Variants in NFIC observed in about 807,000 individuals in gnomAD.
The protein encoded by NFIC is nuclear factor I C.
In NFIC, 12 loss-of-function variants were observed where a neutral mutation model predicts 54.4. The ratio of observed to expected loss-of-function variants is 0.22; its 90% confidence interval spans 0.14 to 0.36. The LOEUF is 0.36. NFIC is among the 10% of genes least tolerant of loss of function. The pLI is 1.00. For synonymous variants in NFIC, 322 were observed against 319.2 expected, an observed-to-expected ratio of 1.01 and a Z score of -0.09; for missense variants, 575 against 718.2, an observed-to-expected ratio of 0.80 and a Z score of 2.28.
rs1258455161 is a variant in NFIC at position 3,369,262 on chromosome 19, A to G, written c.30+2596A>G. Among the ~76,000 whole-genome samples the G allele has an allele frequency of 6.8e-6, 1 of 146,942 alleles. No homozygotes were observed. The highest frequency in any genetic ancestry group is 2.5e-5 in the African/African-American group (1 of 39,410). On this transcript the variant is annotated intron_variant, in intron 1 of 10. Transcript: ENST00000443272. The surrounding 1 kb of genome is among the most constrained non-coding windows in gnomAD (Gnocchi z 4.3). ...CTCTCTGTCTCTGTTTCTCTCCAATATGTCTGTCTGTCTCTTCATCTCTGT... is the reference window on the plus strand; with the variant it reads ...CTCTCTGTCTCTGTTTCTCTCCAATGTGTCTGTCTGTCTCTTCATCTCTGT...
Position 3,463,025 on chromosome 19 carries a change from C to A in NFIC, c.*256C>A, listed in dbSNP as rs1417035396. 1.5e-6 allele frequency: 2 copies of A among 1,359,144 alleles called. No homozygotes were observed. The highest frequency in any genetic ancestry group is 1.9e-6 in the Non-Finnish European group (2 of 1,060,196). The allele number at this position is 1,359,144 out of a possible 1,614,324, so 84.2% of individuals were successfully genotyped here. On this transcript the variant is annotated 3_prime_UTR_variant, in exon 11 of 11. Transcript: ENST00000443272. ...GACAAAAGGTAAAGACGCAACGTTTCCAACTCTCGGGACGCCAAGGCCGCA... is the reference window on the plus strand; with the variant it reads ...GACAAAAGGTAAAGACGCAACGTTTACAACTCTCGGGACGCCAAGGCCGCA...
Position 3,453,802 on chromosome 19 carries a change from C to A in NFIC, c.1309C>A (p.Leu437Ile), listed in dbSNP as rs2082506705. Residue 437 changes from leucine to isoleucine, a missense_variant, in exon 9 of 11, where the codon CTT becomes ATT. Around this residue, in one of 3 missense-constraint regions of NFIC, gnomAD observed 447 missense variants for 526.9 expected, o/e 0.85. Transcript: ENST00000443272. The surrounding 1 kb of genome is among the most constrained non-coding windows in gnomAD (Gnocchi z 6.7). ...SGQLKMPSHC[L>I]SAQMLAPPPP... ...TCAGCTCAAAATGCCCAGCCACTGC[C>A]TTTCTGCTCAGATGCTGGCACCTCC... 2 of 1,606,534 alleles carry A rather than the reference C, an allele frequency of 1.2e-6. No homozygotes were observed. Among genetic ancestry groups the A allele is most frequent in the Non-Finnish European group, 1.7e-6 (2 of 1,176,916 alleles).
intron 6 of NFIC, among the ~76,000 whole-genome samples, chr19:3,442,043 G>T (rs2082302129): frequency 6.6e-6 from 1 of 152,222 alleles, no homozygotes; most frequent in African/African-American, 2.4e-5. Flanking sequence ...CAACCCTGAG[G>T]CTCACAGAGG....
rs1428502294 is a variant in NFIC, at chr19:3,466,070, T to C, written c.*3301T>C. 8 of 152,254 alleles carry C rather than the reference T, an allele frequency of 5.3e-5. No homozygotes were observed. Among genetic ancestry groups the C allele is most frequent in the Admixed American group, 5.2e-4 (8 of 15,288 alleles). 9.4% of individuals were successfully genotyped at this position (152,254 alleles called of 1,614,324 possible). On this transcript the variant is annotated 3_prime_UTR_variant, in exon 11 of 11. Coordinates refer to ENST00000443272, the MANE Select transcript of NFIC (RefSeq NM_001245002.2). The surrounding 1 kb of genome is among the most constrained non-coding windows in gnomAD (Gnocchi z 4.8). ...AAACCTGATATATGCAATATCTGTCTGTCTGTCTGTACCCATGGGCCTGGC... is the reference window on the plus strand; with the variant it reads ...AAACCTGATATATGCAATATCTGTCCGTCTGTCTGTACCCATGGGCCTGGC...
rs2081216917 is a variant in NFIC at position 3,381,947 on chromosome 19, G to A, written c.266G>A (p.Arg89His). The A allele has an allele frequency of 6.2e-7, 1 of 1,613,508 alleles. No homozygotes were observed. Among genetic ancestry groups the A allele is most frequent in the Non-Finnish European group, 8.5e-7 (1 of 1,179,922 alleles). ...KLRKDIRPECREDFVLSITGK... is the reference protein window; with the variant it reads ...KLRKDIRPECHEDFVLSITGK... ...CGCAAGGACATCCGGCCCGAGTGCCGCGAGGACTTCGTGCTGAGCATCACC... is the reference window on the plus strand; with the variant it reads ...CGCAAGGACATCCGGCCCGAGTGCCACGAGGACTTCGTGCTGAGCATCACC... Residue 89 changes from arginine (R) to histidine (H), a missense_variant, in exon 2 of 11, where the codon CGC becomes CAC. Arg to His is a conservative substitution (Grantham distance 29). Transcript: ENST00000443272.
At chr19:3,409,682 C>T (rs2093626915) in intron 2 of NFIC, among the ~76,000 whole-genome samples, 6 of 152,238 alleles carry the variant, frequency 3.9e-5, no homozygotes, top group South Asian at 4.1e-4. Flanking sequence ...GAGCCCACGG[C>T]GATGCCTTTG....
rs59760975 is a variant in NFIC at position 3,430,931 on chromosome 19, C to CAA, written c.635-2573_635-2572dup. ...TGGGCGACAGAGTGAGACTCCGTCTCAAAAAAAAAAAAAAAGAAAAGAAAA... is the reference window on the plus strand; with the variant it reads ...TGGGCGACAGAGTGAGACTCCGTCTCAAAAAAAAAAAAAAAAAGAAAAGAAAA... On this transcript the variant is annotated intron_variant, in intron 3 of 10. Coordinates refer to ENST00000443272, the MANE Select transcript of NFIC (RefSeq NM_001245002.2). 3.4e-3 allele frequency among the ~76,000 whole-genome samples: 272 copies of CAA among 80,138 alleles called. 11 individuals are homozygous for CAA. The highest frequency in any genetic ancestry group is 0.012 in the African/African-American group (254 of 21,020). 52.6% of individuals were successfully genotyped at this position (80,138 alleles called of 152,430 possible).
chr19:3,401,922 A>G (rs1476517473), intron 2 of NFIC, among the ~76,000 whole-genome samples: 2 of 151,876 alleles, frequency 1.3e-5, no homozygotes, highest in South Asian at 2.1e-4. Flanking sequence ...GAGTTGCACC[A>G]TGTTGGCCAG....
At chr19:3,426,319 T>A (rs12982098) in intron 3 of NFIC, among the ~76,000 whole-genome samples, 104,775 of 151,860 alleles carry the variant, frequency 0.69, 39,536 homozygotes, top group East Asian at 0.93. Context: ...GCTCAAGTGA[T>A]CCTCCTGTCT....
Position 3,452,497 on chromosome 19 carries a change from C to G in NFIC, c.1100C>G (p.Pro367Arg), listed in dbSNP as rs1405599765. ...IAVHSGIARS[P>R]HPSSALHFPT... ...GTCTCCGCAGGGATCGCCCGGAGCCCACACCCGTCCTCCGCTCTGCATTTC... is the reference window on the plus strand; with the variant it reads ...GTCTCCGCAGGGATCGCCCGGAGCCGACACCCGTCCTCCGCTCTGCATTTC... Residue 367 changes from proline to arginine, a missense_variant, in exon 8 of 11, where the codon CCA (proline) becomes CGA (arginine). Pro to Arg is a moderately radical substitution (Grantham distance 103). Transcript: ENST00000443272. This position sits in a 1 kb window ranked among gnomAD's most constrained non-coding sequence, Gnocchi z 5.3. 6.2e-7 allele frequency: 1 copy of G among 1,612,384 alleles called. No homozygotes were observed. The highest frequency in any genetic ancestry group is 2.2e-5 in the East Asian group (1 of 44,876).
At chr19:3,457,498 C>T (rs1436713833) in intron 10 of NFIC, among the ~76,000 whole-genome samples, 3 of 152,098 alleles carry the variant, frequency 2.0e-5, no homozygotes, top group Non-Finnish European at 4.4e-5. Context: ...AGCGCGTCTT[C>T]GGGTTATGGG....
intron 6 of NFIC, among the ~76,000 whole-genome samples, chr19:3,440,972 CACCTGGCTATTTTT>C (rs1325314648): frequency 1.3e-5 from 2 of 152,188 alleles, no homozygotes; most frequent in African/African-American, 2.4e-5. Flanking sequence ...CTTGCCAACA[CACCTGGCTATTTTT>C]TGTACTTTTT....
chr19:3,394,520 C>CCG lies in NFIC; in HGVS notation c.562+12278_562+12279insGC, dbSNP rs1555744615. 6.4e-5 allele frequency among the ~76,000 whole-genome samples: 3 copies of CCG among 46,720 alleles called. 1 individual carries two copies. The highest frequency in any genetic ancestry group is 4.3e-4 in the African/African-American group (3 of 6,966). The allele number at this position is 46,720 out of a possible 152,430, so 30.7% of individuals were successfully genotyped here. On this transcript the variant is annotated intron_variant, in intron 2 of 10. Coordinates refer to ENST00000443272, the MANE Select transcript of NFIC (RefSeq NM_001245002.2). ...GAGGTATTTTATGATCTTTTCCCCA[C>CCG]CCACCCCCCACCCGCTTACACTAAG... is the stretch of plus-strand genomic sequence containing the variant.
At position 3,434,506 on chromosome 19, in the gene NFIC, C is replaced by A. The variant is rs113607801; in HGVS notation, c.833+106C>A. On this transcript the variant is annotated intron_variant, in intron 5 of 10. Coordinates refer to ENST00000443272, the MANE Select transcript of NFIC (RefSeq NM_001245002.2). ...CCTCTCCCTGGAATACCTCTTTTCACGATTCACCTGGCCTGAGAAACTCCT... is the reference window on the plus strand; with the variant it reads ...CCTCTCCCTGGAATACCTCTTTTCAAGATTCACCTGGCCTGAGAAACTCCT... 754 of 1,431,252 alleles carry A rather than the reference C, an allele frequency of 5.3e-4. 3 individuals are homozygous for A. In the African/African-American group the frequency reaches 9.6e-3, roughly 18 times the overall value. The allele number at this position is 1,431,252 out of a possible 1,614,324, so 88.7% of individuals were successfully genotyped here.
At chr19:3,448,881 C>A in intron 6 of NFIC, 133 bp from the exon 7 acceptor site, 1 of 1,369,626 alleles carries the variant, frequency 7.3e-7, no homozygotes, top group Non-Finnish European at 9.9e-7. Context: ...ACAGCCTCTC[C>A]CCCTCAGGAT....
chr19:3,410,753 T>A (rs1457103558), intron 2 of NFIC: 1 of 152,264 alleles, frequency 6.6e-6, no homozygotes, highest in Non-Finnish European at 1.5e-5. Context: ...GTCCCCTCCG[T>A]AAGCTCCTCT....
chr19:3,427,915 A>ATCCCAGCACTT (rs2082052875), intron 3 of NFIC, among the ~76,000 whole-genome samples: 1 of 151,924 alleles, frequency 6.6e-6, no homozygotes, highest in Non-Finnish European at 1.5e-5. Flanking sequence ...TACGCCTGTA[A>ATCCCAGCACTT]TCCCAGCACT....
At chr19:3,407,173 GTGCGATCTCGGCTCAC>G (rs1280429858) in intron 2 of NFIC, among the ~76,000 whole-genome samples, 1 of 149,312 alleles carries the variant, frequency 6.7e-6, no homozygotes, top group Non-Finnish European at 1.5e-5. Flanking sequence ...GAGTGCAGTG[GTGCGATCTCGGCTCAC>G]TGCAAGCTCT....
intron 6 of NFIC, among the ~76,000 whole-genome samples, chr19:3,437,673 GTTTTTTT>G (rs1194556834): frequency 6.8e-6 from 1 of 146,028 alleles, no homozygotes; most frequent in East Asian, 2.0e-4. Context: ...CTTCTGTTTC[GTTTTTTT>G]TGTTTTTTGT....
Sources: allele counts gnomAD v4.1 joint callset (sites outside exome capture counted in the v4.1 genomes callset), GRCh38; gene constraint gnomAD v4.1.1; regional missense constraint gnomAD v4.1.1; non-coding constraint Gnocchi (gnomAD v3.1); transcripts MANE v1.5; gene names NCBI Gene and HGNC (gene_info 2026-07-23, HGNC 2026-07-21).